Variants in CDKN2AIP observed in about 807,000 individuals in gnomAD.
The protein encoded by CDKN2AIP is CDKN2A interacting protein, also known as CDKN2A-interacting protein.
In CDKN2AIP, 12 loss-of-function variants were observed where a neutral mutation model predicts 44.1. The observed-to-expected ratio is 0.27, with a 90% confidence interval of 0.17 to 0.44. The LOEUF (loss-of-function observed/expected upper bound fraction) is 0.44. Among genes scored for constraint, CDKN2AIP ranks in the 20% least tolerant of loss-of-function variants. CDKN2AIP has a pLI of 1.00. For missense variants in CDKN2AIP, 705 were observed against 681.6 expected (o/e 1.03, Z -0.38); for synonymous variants, 291 against 272.1 (o/e 1.07, Z -0.68).
At position 183,448,302 on chromosome 4, in the gene CDKN2AIP, T is replaced by C. The variant is rs1733726280; in HGVS notation, c.*875T>C. ...CAGGTAATTGTGTGATATACATCTT[T>C]ATTTAATTTTTTTTTTTACAGCAAT... On this transcript the variant is annotated 3_prime_UTR_variant, in exon 3 of 3. Transcript: ENST00000504169. 6.6e-6 allele frequency: 1 copy of C among 151,438 alleles called. No individual in the cohort carries two copies. Among genetic ancestry groups the C allele is most frequent in the Admixed American group, 6.6e-5 (1 of 15,254 alleles). 9.4% of individuals were successfully genotyped at this position (151,438 alleles called of 1,614,324 possible).
intron 2 of CDKN2AIP, 149 bp from the exon 3 acceptor site, chr4:183,445,934 CTGTTT>C: frequency 1.5e-6 from 1 of 684,888 alleles, no homozygotes; most frequent in Non-Finnish European, 2.5e-6. Context: ...TTATTCAACA[CTGTTT>C]TAAGAAATTA....
chr4:183,445,420 G>T (rs1733645741), intron 1 of CDKN2AIP, 115 bp from the exon 2 acceptor site: 2 of 816,470 alleles, frequency 2.4e-6, no homozygotes, highest in Non-Finnish European at 2.0e-6. Context: ...AGTTCTTGGC[G>T]GTTGGTTCAC....
chr4:183,446,188 A>C lies in CDKN2AIP; in HGVS notation c.504A>C (p.Ala168=). The change falls in exon 3 of 3, where the codon GCA becomes GCC. Residue 168 remains alanine, a synonymous_variant. Transcript: ENST00000504169. ...AAACCTCTGCCAAGACAGAACGTGC[A>C]TCAGCTCAGCAGGAAAACAGTTCAA... ...HAKTSAKTER[A]SAQQENSSTC... The C allele has an allele frequency of 2.5e-6, 4 of 1,614,096 alleles. No individual in the cohort carries two copies. The highest frequency in any genetic ancestry group is 1.6e-4 in the Middle Eastern group (1 of 6,084).
In CDKN2AIP at chr4:183,447,503, G is replaced by T; in HGVS notation, c.*76G>T. On this transcript the variant is annotated 3_prime_UTR_variant, in exon 3 of 3. Coordinates refer to ENST00000504169, the MANE Select transcript of CDKN2AIP (RefSeq NM_017632.4). ...TGACTTTTGTATAGTATAAAACACA[G>T]GCTTTCACAAATTTTGTATTGCTTT... The T allele has an allele frequency of 9.5e-7, 1 of 1,048,308 alleles. No individual in the cohort carries two copies. The highest frequency in any genetic ancestry group is 2.0e-5 in the South Asian group (1 of 49,728). 64.9% of individuals were successfully genotyped at this position (1,048,308 alleles called of 1,614,324 possible).
chr4:183,444,850 G>T lies in CDKN2AIP; in HGVS notation c.53G>T (p.Trp18Leu), dbSNP rs749986489. The change falls in exon 1 of 3, where the codon TGG becomes TTG. Residue 18 changes from tryptophan to leucine, a missense_variant. Around this residue, in one of 2 missense-constraint regions of CDKN2AIP, gnomAD observed 592 missense variants for 518.0 expected, o/e 1.14. Coordinates refer to ENST00000504169, the MANE Select transcript of CDKN2AIP (RefSeq NM_017632.4). The stretch of plus-strand genomic sequence containing the variant: ...AGCCAGAACCCGCGGGTGGCAGCCT[G>T]GGTGGAGGCGCTGCGCTGCGACGGC... ...YLSQNPRVAA[W>L]VEALRCDGET... is the part of the protein sequence containing the mutation. 4.4e-6 allele frequency: 7 copies of T among 1,574,794 alleles called. No individual in the cohort carries two copies. Among genetic ancestry groups the T allele is most frequent in the Non-Finnish European group, 6.0e-6 (7 of 1,160,010 alleles).
chr4:183,445,732 ATTG>A (rs1219805113), intron 2 of CDKN2AIP, 67 bp downstream of exon 2: 18 of 1,343,620 alleles, frequency 1.3e-5, no homozygotes, highest in South Asian at 2.5e-5. Context: ...ATTAGGAATT[ATTG>A]TTACTAATTT....
In CDKN2AIP at chr4:183,446,361, G is replaced by T. The variant is rs1214259092; in HGVS notation, c.677G>T (p.Gly226Val). 49 of 1,613,764 alleles carry T rather than the reference G, an allele frequency of 3.0e-5. No homozygotes were observed. Among genetic ancestry groups the T allele is most frequent in the Non-Finnish European group, 4.0e-5 (47 of 1,179,886 alleles). The change falls in exon 3 of 3, where the codon GGA becomes GTA. Residue 226 changes from glycine to valine, a missense_variant. By Grantham distance (109) the Gly-to-Val change is moderately radical. Transcript: ENST00000504169. ...GTTTCCTCTCAGGTAACAACGGCAG[G>T]ATCTGGGAAAGCTTCTGAAGCAGAA... is the stretch of plus-strand genomic sequence containing the variant. ...SSVSSQVTTA[G>V]SGKASEAEAP...
Position 183,444,740 on chromosome 4 carries a change from G to A in CDKN2AIP, c.-58G>A. ...GCAGGCCGCAGTGACAGGGCCGCTC[G>A]CCCCGCTAGTCCTGCCTGTCTCCCG... On this transcript the variant is annotated 5_prime_UTR_variant, in exon 1 of 3. Coordinates refer to ENST00000504169, the MANE Select transcript of CDKN2AIP (RefSeq NM_017632.4). 1.4e-6 allele frequency: 2 copies of A among 1,450,830 alleles called. No homozygotes were observed. The highest frequency in any genetic ancestry group is 1.4e-5 in the South Asian group (1 of 70,616). 89.9% of individuals were successfully genotyped at this position (1,450,830 alleles called of 1,614,324 possible).
At chr4:183,446,038 T>G (rs746436493) in intron 2 of CDKN2AIP, 50 bp from the exon 3 acceptor site, 1 of 1,447,486 alleles carries the variant, frequency 6.9e-7, no homozygotes, top group Non-Finnish European at 9.4e-7. Flanking sequence ...TCATCACCCG[T>G]TTTGTACGAG....
Position 183,446,452 on chromosome 4 carries a change from G to C in CDKN2AIP, c.768G>C (p.Met256Ile), listed in dbSNP as rs79181273. 6.8e-6 allele frequency: 11 copies of C among 1,613,802 alleles called. No individual in the cohort carries two copies. The highest frequency in any genetic ancestry group is 1.6e-4 in the Middle Eastern group (1 of 6,084). The change falls in exon 3 of 3, where the codon ATG becomes ATC. Residue 256 changes from methionine (M) to isoleucine (I), a missense_variant. This residue lies in a region of CDKN2AIP where 592 missense variants were observed against 518.0 expected (regional missense o/e 1.14). Coordinates refer to ENST00000504169, the MANE Select transcript of CDKN2AIP (RefSeq NM_017632.4). The part of the protein sequence containing the change: ...SLLKSSVNSH[M>I]TQSTDSRQQS... ...TGAAATCCAGTGTGAATAGTCACAT[G>C]ACCCAATCCACTGATTCTAGACAAC...
chr4:183,445,954 C>T (rs888270965), intron 2 of CDKN2AIP, 134 bp from the exon 3 acceptor site: 6 of 760,130 alleles, frequency 7.9e-6, no homozygotes, highest in South Asian at 1.9e-5. Context: ...AAATTAATGA[C>T]TCCACACTTT....
At position 183,444,925 on chromosome 4, in the gene CDKN2AIP, C is replaced by T. The variant is rs1733629938; in HGVS notation, c.128C>T (p.Ala43Val). 6.2e-7 allele frequency: 1 copy of T among 1,610,980 alleles called. No individual in the cohort carries two copies. The highest frequency in any genetic ancestry group is 1.1e-5 in the South Asian group (1 of 90,992). Residue 43 changes from alanine to valine, a missense_variant, in exon 1 of 3, where the codon GCC becomes GTC. Around this residue, in one of 2 missense-constraint regions of CDKN2AIP, gnomAD observed 592 missense variants for 518.0 expected, o/e 1.14. Coordinates refer to ENST00000504169, the MANE Select transcript of CDKN2AIP (RefSeq NM_017632.4). The part of the protein sequence containing the change: ...RHRRDFLLRN[A>V]GDLAPAGGAA... ...CGCCGGGATTTTTTGCTTCGCAACGCCGGGGACCTGGCCCCCGCTGGCGGC... is the reference window on the plus strand; with the variant it reads ...CGCCGGGATTTTTTGCTTCGCAACGTCGGGGACCTGGCCCCCGCTGGCGGC...
Position 183,447,466 on chromosome 4 carries a change from G to T in CDKN2AIP, c.*39G>T. Reference sequence around the variant, plus strand: ...TCACTGCATACAATATCTGGTATTTGAAGAGAAAAACTGACTTTTGTATAG... The same window carrying T: ...TCACTGCATACAATATCTGGTATTTTAAGAGAAAAACTGACTTTTGTATAG... On this transcript the variant is annotated 3_prime_UTR_variant, in exon 3 of 3. Coordinates refer to ENST00000504169, the MANE Select transcript of CDKN2AIP (RefSeq NM_017632.4). 1.4e-6 allele frequency: 2 copies of T among 1,428,486 alleles called. No individual in the cohort carries two copies. Among genetic ancestry groups the T allele is most frequent in the South Asian group, 2.9e-5 (2 of 68,220 alleles). The allele number at this position is 1,428,486 out of a possible 1,614,324, so 88.5% of individuals were successfully genotyped here.
At position 183,445,607 on chromosome 4, in the gene CDKN2AIP, TACA is replaced by T. The variant is rs753566867; in HGVS notation, c.350_352del (p.Thr117del). ...TCAAAGTGACAGATGCTCCAACCTA[TACA>T]ACAAGAGATGAACTGGTTGCCAAGG... is the stretch of plus-strand genomic sequence containing the variant. On this transcript the variant is annotated inframe_deletion, in exon 2 of 3. Coordinates refer to ENST00000504169, the MANE Select transcript of CDKN2AIP (RefSeq NM_017632.4). 7 of 1,609,594 alleles carry T rather than the reference TACA, an allele frequency of 4.3e-6. No homozygotes were observed. Among genetic ancestry groups the T allele is most frequent in the South Asian group, 3.3e-5 (3 of 91,020 alleles).
Position 183,448,273 on chromosome 4 carries a change from C to A in CDKN2AIP, c.*846C>A, listed in dbSNP as rs2111228822. 6.6e-6 allele frequency: 1 copy of A among 151,378 alleles called. No homozygotes were observed. Among genetic ancestry groups the A allele is most frequent in the African/African-American group, 2.5e-5 (1 of 40,736 alleles). 9.4% of individuals were successfully genotyped at this position (151,378 alleles called of 1,614,324 possible). ...CCATGACTTGTCATTATAAATTAGA[C>A]AACCAGGTAATTGTGTGATATACAT... On this transcript the variant is annotated 3_prime_UTR_variant, in exon 3 of 3. Transcript: ENST00000504169.
chr4:183,444,721 C>A lies in CDKN2AIP; in HGVS notation c.-77C>A. ...TATCTGGAGGGCCGCGGGTGCAGGC[C>A]GCAGTGACAGGGCCGCTCGCCCCGC... On this transcript the variant is annotated 5_prime_UTR_variant, in exon 1 of 3. Coordinates refer to ENST00000504169, the MANE Select transcript of CDKN2AIP (RefSeq NM_017632.4). 7.1e-7 allele frequency: 1 copy of A among 1,400,530 alleles called. No individual in the cohort carries two copies. Among genetic ancestry groups the A allele is most frequent in the Non-Finnish European group, 9.4e-7 (1 of 1,059,622 alleles). 86.8% of individuals were successfully genotyped at this position (1,400,530 alleles called of 1,614,324 possible). A position where few individuals can be genotyped will look rare whatever the true frequency, so the allele number is the denominator to read the frequency against.
In CDKN2AIP at chr4:183,444,959, C is replaced by A; in HGVS notation, c.162C>A (p.Ser54=). Residue 54 remains serine, a synonymous_variant, in exon 1 of 3, where the codon TCC becomes TCA. Transcript: ENST00000504169. Reference sequence around the variant, plus strand: ...TGGCCCCCGCTGGCGGCGCTGCCTCCGCTAGCACGGATGAAGCTGCCGACG... The same window carrying A: ...TGGCCCCCGCTGGCGGCGCTGCCTCAGCTAGCACGGATGAAGCTGCCGACG... The part of the protein sequence containing the change: ...GDLAPAGGAA[S]ASTDEAADAE... 1 of 1,611,296 alleles carries A rather than the reference C, an allele frequency of 6.2e-7. No individual in the cohort carries two copies. Among genetic ancestry groups the A allele is most frequent in the Non-Finnish European group, 8.5e-7 (1 of 1,178,750 alleles).
Position 183,446,873 on chromosome 4 carries a change from G to T in CDKN2AIP, c.1189G>T (p.Ala397Ser). 6.2e-7 allele frequency: 1 copy of T among 1,614,146 alleles called. No homozygotes were observed. The highest frequency in any genetic ancestry group is 2.2e-5 in the East Asian group (1 of 44,892). Reference protein sequence around the residue: ...STSLASVSQLASKSSSQTSTS... With the variant: ...STSLASVSQLSSKSSSQTSTS... Reference sequence around the variant, plus strand: ...TTCCTTAGCAAGTGTGTCCCAGTTGGCTTCTAAGAGTAGTTCTCAGACTAG... The same window carrying T: ...TTCCTTAGCAAGTGTGTCCCAGTTGTCTTCTAAGAGTAGTTCTCAGACTAG... Residue 397 changes from alanine to serine, a missense_variant, in exon 3 of 3, where the codon GCT becomes TCT. Physicochemically the swap from Ala to Ser is moderately conservative, Grantham distance 99. Coordinates refer to ENST00000504169, the MANE Select transcript of CDKN2AIP (RefSeq NM_017632.4).
chr4:183,446,570 T>A lies in CDKN2AIP; in HGVS notation c.886T>A (p.Ser296Thr). Reference sequence around the variant, plus strand: ...GATCGAGGTGCCCTTGTTGGGCTCCTCAGGAAGCTCAGAGGTAGAATTGCC... The same window carrying A: ...GATCGAGGTGCCCTTGTTGGGCTCCACAGGAAGCTCAGAGGTAGAATTGCC... ...SEIEVPLLGSSGSSEVELPLL... is the reference protein window; with the variant it reads ...SEIEVPLLGSTGSSEVELPLL... Residue 296 changes from serine (S) to threonine (T), a missense_variant, in exon 3 of 3, where the codon TCA becomes ACA. Ser to Thr is a moderately conservative substitution (Grantham distance 58). Around this residue, in one of 2 missense-constraint regions of CDKN2AIP, gnomAD observed 592 missense variants for 518.0 expected, o/e 1.14. Transcript: ENST00000504169. 1 of 1,614,144 alleles carries A rather than the reference T, an allele frequency of 6.2e-7. No homozygotes were observed. The highest frequency in any genetic ancestry group is 8.5e-7 in the Non-Finnish European group (1 of 1,179,972).
Sources: gnomAD v4.1 joint callset for allele counts on GRCh38, gnomAD v4.1.1 for gene constraint, gnomAD v4.1.1 regional missense constraint, MANE v1.5 for transcripts, NCBI Gene and HGNC (gene_info 2026-07-23, HGNC 2026-07-21) for gene names.